The following ARSG variants were observed in gnomAD, a reference collection of about 807,000 sequenced individuals.
ARSG encodes ASG.
In ARSG, 37 loss-of-function variants were observed where a neutral mutation model predicts 50.5. The ratio of observed to expected loss-of-function variants is 0.73; its 90% CI spans 0.56 to 0.96. ARSG has a LOEUF of 0.96. ARSG is among the 50% of genes least tolerant of loss of function. ARSG has a pLI of 0.00. For synonymous variants in ARSG, 225 were observed against 254.6 expected (o/e 0.88, Z 1.11); for missense variants, 629 against 675.3 (o/e 0.93, Z 0.76).
chr17:68,294,496 G>A (rs546573575), intron 1 of ARSG, among the ~76,000 whole-genome samples: 24 of 152,264 alleles, frequency 1.6e-4, no homozygotes, highest in African/African-American at 4.8e-4. Context: ...ATCTGGTCTG[G>A]ACCTCTGGGA....
intron 2 of ARSG, among the ~76,000 whole-genome samples, chr17:68,337,013 G>A (rs893774454): frequency 2.6e-5 from 4 of 152,226 alleles, no homozygotes; most frequent in Admixed American, 6.5e-5. Flanking sequence ...GTGGGTGGAA[G>A]AGAGGGAGGA....
At chr17:68,355,601 C>T (rs1480483171) in intron 5 of ARSG, among the ~76,000 whole-genome samples, 3 of 152,082 alleles carry the variant, frequency 2.0e-5, no homozygotes, top group African/African-American at 4.8e-5. Context: ...GTGATCCACC[C>T]GCCTTGGCCT....
At chr17:68,316,745 G>A (rs73355947) in intron 2 of ARSG, among the ~76,000 whole-genome samples, 3,801 of 152,272 alleles carry the variant, frequency 0.025, 138 homozygotes, top group African/African-American at 0.077. Context: ...GCATGTATTG[G>A]TGCTTGATGG....
chr17:68,423,727 T>C (rs923133446), downstream of ARSG, among the ~76,000 whole-genome samples: 1 of 152,106 alleles, frequency 6.6e-6, no homozygotes, highest in Non-Finnish European at 1.5e-5. This position sits in a 1 kb window ranked among gnomAD's most constrained non-coding sequence, Gnocchi z 4.4. Context: ...ATTAAGCACC[T>C]CCCCTTTTCC....
At chr17:68,443,362 CT>C in the ARSG span, among the ~76,000 whole-genome samples, 7 of 152,198 alleles carry the variant, frequency 4.6e-5, no homozygotes, top group African/African-American at 1.7e-4. Context: ...ATCCACCCGC[CT>C]CGGCCTCCCA....
chr17:68,383,661 T>G (rs541484685), intron 8 of ARSG, among the ~76,000 whole-genome samples: 1 of 152,296 alleles, frequency 6.6e-6, no homozygotes, highest in African/African-American at 2.4e-5. Flanking sequence ...AGTCATACAT[T>G]CCAAAGCCAC....
chr17:68,406,709 C>T (rs1025963977), intron 11 of ARSG, among the ~76,000 whole-genome samples: 4 of 152,054 alleles, frequency 2.6e-5, no homozygotes, highest in Non-Finnish European at 4.4e-5. Flanking sequence ...GCTTAGCTCA[C>T]TTTTTGATGG....
chr17:68,437,947 TTAAA>T, the ARSG span, among the ~76,000 whole-genome samples: 10 of 58,786 alleles, frequency 1.7e-4, no homozygotes, highest in South Asian at 1.9e-3. Flanking sequence ...GACATCTCTC[TTAAA>T]AAAAAAAAAA....
Position 68,401,407 on chromosome 17 carries a change from G to A in ARSG, c.1260G>A (p.Leu420=). Residue 420 remains leucine (L), a synonymous_variant, in exon 11 of 12, where the codon CTG becomes CTA. Transcript: ENST00000621439. ...NSGAAGEFGA[L]QTVRLERYKA... ...GGGCAGCTGGAGAGTTTGGAGCCCT[G>A]CAGACTGTCCGCCTGGAGCGTTACA... The A allele has an allele frequency of 6.2e-7, 1 of 1,614,078 alleles. No homozygotes were observed. The highest frequency in any genetic ancestry group is 8.5e-7 in the Non-Finnish European group (1 of 1,179,920).
rs968810672 is a variant in ARSG at position 68,378,474 on chromosome 17, G to A, written c.983-6590G>A. Reference sequence around the variant, plus strand: ...TCTTTTCACCCCGTGCGTGTGGACTGAGAATGCTCCACTTGGCTTGTGCCC... The same window carrying A: ...TCTTTTCACCCCGTGCGTGTGGACTAAGAATGCTCCACTTGGCTTGTGCCC... On this transcript the variant is annotated intron_variant, in intron 8 of 11. Coordinates refer to ENST00000621439, the MANE Select transcript of ARSG (RefSeq NM_001267727.2). This position sits in a 1 kb window ranked among gnomAD's most constrained non-coding sequence, Gnocchi z 4.4. Among the ~76,000 whole-genome samples, 3 of 152,222 alleles carry A rather than the reference G, an allele frequency of 2.0e-5. No homozygotes were observed. Among genetic ancestry groups the A allele is most frequent in the Non-Finnish European group, 4.4e-5 (3 of 68,042 alleles).
the ARSG span, chr17:68,435,535 A>T: frequency 3.8e-6 from 5 of 1,325,000 alleles, no homozygotes; most frequent in Admixed American, 8.5e-5. Flanking sequence ...TCTTCATGTC[A>T]CCAGGTTTGT....
At chr17:68,346,944 G>T (rs1245652223) in intron 3 of ARSG, 181 bp from the exon 4 acceptor site, 2 of 1,511,964 alleles carry the variant, frequency 1.3e-6, no homozygotes, top group Non-Finnish European at 1.8e-6. Context: ...ATGTGTCCCT[G>T]TGGACACCGT....
intron 2 of ARSG, among the ~76,000 whole-genome samples, chr17:68,312,161 A>G (rs1292935393): frequency 6.6e-6 from 1 of 152,112 alleles, no homozygotes; most frequent in Non-Finnish European, 1.5e-5. Context: ...CAGAAAACTT[A>G]CACACCTCCC....
At chr17:68,446,106 G>A in the ARSG span, among the ~76,000 whole-genome samples, 1 of 152,088 alleles carries the variant, frequency 6.6e-6, no homozygotes, top group Non-Finnish European at 1.5e-5. Context: ...TATTCCCCAA[G>A]GAAGACTATC....
intron 5 of ARSG, among the ~76,000 whole-genome samples, chr17:68,353,206 C>G (rs2078881736): frequency 6.6e-6 from 1 of 151,716 alleles, no homozygotes; most frequent in Non-Finnish European, 1.5e-5. Flanking sequence ...TACTTTTGCA[C>G]CAACCTGATA....
At chr17:68,362,801 A>T in intron 6 of ARSG, among the ~76,000 whole-genome samples, 1 of 152,020 alleles carries the variant, frequency 6.6e-6, no homozygotes, top group Admixed American at 6.6e-5. Flanking sequence ...TTTTTAAATA[A>T]TCATCTTATT....
intron 1 of ARSG, among the ~76,000 whole-genome samples, chr17:68,306,388 G>A (rs898190341): frequency 2.6e-5 from 4 of 151,556 alleles, no homozygotes; most frequent in Non-Finnish European, 5.9e-5. Context: ...GTGAGACTCA[G>A]TCTCAAAAAA....
At chr17:68,393,403 C>T (rs8064339) in intron 9 of ARSG, among the ~76,000 whole-genome samples, 5,873 of 152,172 alleles carry the variant, frequency 0.039, 209 homozygotes, top group East Asian at 0.15. Context: ...TAGTAGCCAT[C>T]TCAGTTATCA....
intron 1 of ARSG, among the ~76,000 whole-genome samples, chr17:68,291,874 G>A (rs1555756267): frequency 6.6e-6 from 1 of 151,826 alleles, no homozygotes; most frequent in Non-Finnish European, 1.5e-5. Flanking sequence ...AGCGGCGAGG[G>A]GGAACACGCG....
Sources: allele counts gnomAD v4.1 joint callset (sites outside exome capture counted in the v4.1 genomes callset), GRCh38; gene constraint gnomAD v4.1.1; non-coding constraint Gnocchi (gnomAD v3.1); transcripts MANE v1.5; gene names NCBI Gene and HGNC (gene_info 2026-07-23, HGNC 2026-07-21).